The following ACBD4 variants were observed in gnomAD, a reference collection of about 807,000 sequenced individuals.
ACBD4 encodes acyl-CoA binding domain containing 4, also known as acyl-CoA-binding domain-containing protein 4.
ACBD4 carries 41 observed loss-of-function variants against 46.0 expected under a neutral mutation model. The observed-to-expected ratio is 0.89, with a 90% CI of 0.69 to 1.16. ACBD4 has a LOEUF of 1.16. Among genes scored for constraint, ACBD4 ranks in the 50% most tolerant of loss-of-function variants. ACBD4 has a pLI of 0.00. For missense variants in ACBD4, 393 were observed against 399.5 expected (o/e 0.98, Z 0.14); for synonymous variants, 162 against 155.9 (o/e 1.04, Z -0.29).
chr17:45,134,012 AG>A (rs1187927845), upstream of ACBD4, among the ~76,000 whole-genome samples: 1 of 152,210 alleles, frequency 6.6e-6, no homozygotes, highest in African/African-American at 2.4e-5. Context: ...AATTATGGAG[AG>A]GCATGTAATG....
In ACBD4 at chr17:45,139,148, G is replaced by A. The variant is rs779720719; in HGVS notation, c.777G>A (p.Arg259=). The A allele has an allele frequency of 3.1e-6, 5 of 1,613,534 alleles. No individual in the cohort carries two copies. In the Admixed American group the frequency reaches 8.3e-5, roughly 27 times the overall value. The change falls in exon 9 of 10, where the codon CGG becomes CGA. Residue 259 remains arginine, a synonymous_variant. Coordinates refer to ENST00000321854, the MANE Select transcript of ACBD4 (RefSeq NM_001135705.3). ...TGCAGAGCCTGGAGAGCATGCCCCG[G>A]CCCCCTGAGCAGGTAGAGTCCCCCA... is the stretch of plus-strand genomic sequence containing the variant. The part of the protein sequence containing the change: ...ARVQSLESMP[R]PPEQRPQPRP...
chr17:45,142,032 T>C (rs1020487839), intron 9 of ACBD4, among the ~76,000 whole-genome samples: 1 of 152,196 alleles, frequency 6.6e-6, no homozygotes. Flanking sequence ...TGGGTTTCCC[T>C]GAAATACAGT....
chr17:45,132,698 T>A (rs1016913380), upstream of ACBD4: 2 of 204,654 alleles, frequency 9.8e-6, no homozygotes, highest in African/African-American at 4.7e-5. The surrounding 1 kb of genome is among the most constrained non-coding windows in gnomAD (Gnocchi z 4.6). Flanking sequence ...GGCGAGCCTC[T>A]GATCTTGGCC....
chr17:45,137,872 G>A (rs368818663), intron 7 of ACBD4, 41 bp from the exon 8 acceptor site: 17 of 1,606,828 alleles, frequency 1.1e-5, no homozygotes, highest in Non-Finnish European at 1.4e-5. Context: ...ACCCCACTGT[G>A]CTCCCACTCC....
intron 2 of ACBD4, 73 bp from the exon 3 acceptor site, chr17:45,136,427 A>T: frequency 1.3e-6 from 2 of 1,535,244 alleles, no homozygotes; most frequent in Non-Finnish European, 1.8e-6. Flanking sequence ...CTTTCCAAGC[A>T]GGGTTCTCCC....
rs2055425695 is a variant in ACBD4, at chr17:45,143,529, C to T, written c.876C>T (p.Val292=). The stretch of plus-strand genomic sequence containing the variant: ...TCTTCTTCCTCCTGTGGCCCTTCGT[C>T]GTCCAGTGGCTCTTCCGAATGTTTC... ...ALLFFLLWPF[V]VQWLFRMFRT... The change falls in exon 10 of 10, where the codon GTC becomes GTT. Residue 292 remains valine, a synonymous_variant. Transcript: ENST00000321854. 6.2e-7 allele frequency: 1 copy of T among 1,614,028 alleles called. No individual in the cohort carries two copies. Among genetic ancestry groups the T allele is most frequent in the Non-Finnish European group, 8.5e-7 (1 of 1,179,986 alleles).
upstream of ACBD4, chr17:45,133,062 C>G (rs2054537694): frequency 6.6e-6 from 1 of 152,524 alleles, no homozygotes. Flanking sequence ...GAGCCACAGT[C>G]TCGGAGCTGA....
At chr17:45,133,533 T>TC (rs2054586688), upstream of ACBD4, among the ~76,000 whole-genome samples, 1 of 126,656 alleles carries the variant, frequency 7.9e-6, no homozygotes, top group Non-Finnish European at 1.7e-5. Flanking sequence ...TTTTTTTTTT[T>TC]TTTTTTTTTT....
chr17:45,141,665 A>C (rs960211060), intron 9 of ACBD4, among the ~76,000 whole-genome samples: 1 of 152,134 alleles, frequency 6.6e-6, no homozygotes, highest in Non-Finnish European at 1.5e-5. Context: ...TCTCAAAAAA[A>C]CGCAAAGCAC....
At chr17:45,134,734 G>A (rs1043357426), upstream of ACBD4, among the ~76,000 whole-genome samples, 6 of 151,854 alleles carry the variant, frequency 4.0e-5, no homozygotes, top group South Asian at 4.2e-4. Context: ...CCGAGATCAC[G>A]CCACTGCACT....
chr17:45,138,885 C>T (rs1300065439), intron 8 of ACBD4, 136 bp from the exon 9 acceptor site: 2 of 924,350 alleles, frequency 2.2e-6, no homozygotes, highest in African/African-American at 1.6e-5. Flanking sequence ...CATAGATGGA[C>T]TTTGCAAGAA....
At chr17:45,140,432 C>T (rs967029489) in intron 9 of ACBD4, among the ~76,000 whole-genome samples, 4 of 150,866 alleles carry the variant, frequency 2.7e-5, no homozygotes, top group African/African-American at 9.7e-5. Context: ...CCACCTGCCT[C>T]AGCCTCCCAA....
chr17:45,136,716 G>T lies in ACBD4; in HGVS notation c.234G>T (p.Lys78Asn). Residue 78 changes from lysine to asparagine, a missense_variant, in exon 4 of 10, where the codon AAG becomes AAT. By Grantham distance (94) the Lys-to-Asn change is moderately conservative (BLOSUM62 0). This residue lies in a region of ACBD4 where 308 missense variants were observed against 301.8 expected (regional missense o/e 1.02). Coordinates refer to ENST00000321854, the MANE Select transcript of ACBD4 (RefSeq NM_001135705.3). ...YKWDAWNSLGKMSREEAMSAY... is the reference protein window; with the variant it reads ...YKWDAWNSLGNMSREEAMSAY... ...GGGACGCCTGGAACAGTCTGGGCAA[G>T]ATGAGCAGGGAGGAGGCCATGTCTG... The T allele has an allele frequency of 6.2e-7, 1 of 1,614,054 alleles. No individual in the cohort carries two copies. The highest frequency in any genetic ancestry group is 1.1e-5 in the South Asian group (1 of 91,074).
At chr17:45,132,327 C>T (rs1015357832), upstream of ACBD4, 15 of 1,239,486 alleles carry the variant, frequency 1.2e-5, no homozygotes, top group Admixed American at 4.0e-5. This position sits in a 1 kb window ranked among gnomAD's most constrained non-coding sequence, Gnocchi z 4.6. Context: ...GAGCGACCGG[C>T]GCCGCGACTT....
chr17:45,133,500 A>G (rs1190797151), upstream of ACBD4: 3 of 131,660 alleles, frequency 2.3e-5, no homozygotes, highest in Non-Finnish European at 4.8e-5. Context: ...TCCCTACGCC[A>G]CTCTGGGGTC....
At chr17:45,132,630 T>A (rs922152936), upstream of ACBD4, 3 of 261,026 alleles carry the variant, frequency 1.1e-5, no homozygotes, top group Non-Finnish European at 1.4e-5. This position sits in a 1 kb window ranked among gnomAD's most constrained non-coding sequence, Gnocchi z 4.6. Context: ...GGCGGTGGCC[T>A]GGAAGCCCGG....
At chr17:45,135,650 C>A (rs927891732), upstream of ACBD4, 1 of 156,604 alleles carries the variant, frequency 6.4e-6, no homozygotes, top group African/African-American at 2.4e-5. Context: ...CCCCCTCGAT[C>A]TGCGTCGCCA....
chr17:45,135,988 A>C lies in ACBD4; in HGVS notation c.-38+35A>C, dbSNP rs1428410582. On this transcript the variant is annotated intron_variant, in intron 1 of 9. Coordinates refer to ENST00000321854, the MANE Select transcript of ACBD4 (RefSeq NM_001135705.3). ...GGAGGCTCCTCAACCACAACTTCTG[A>C]CCTCCCAGGGTGTCTGAGGCCTCTA... 12 of 679,438 alleles carry C rather than the reference A, an allele frequency of 1.8e-5. No homozygotes were observed. In the East Asian group the frequency reaches 3.3e-4, roughly 19 times the overall value. The allele number at this position is 679,438 out of a possible 1,614,324, so 42.1% of individuals were successfully genotyped here.
chr17:45,135,344 C>CTAAG (rs1199409795), upstream of ACBD4: 6 of 152,306 alleles, frequency 3.9e-5, no homozygotes, highest in East Asian at 1.2e-3. Context: ...TCCCCAGTGC[C>CTAAG]TAAGTGTCTA....
Sources: allele counts gnomAD v4.1 joint callset (sites outside exome capture counted in the v4.1 genomes callset), GRCh38; gene constraint gnomAD v4.1.1; regional missense constraint gnomAD v4.1.1; non-coding constraint Gnocchi (gnomAD v3.1); transcripts MANE v1.5; gene names NCBI Gene and HGNC (gene_info 2026-07-23, HGNC 2026-07-21).